SPATA17: variants seen among roughly 807,000 people sequenced by gnomAD.
The protein encoded by SPATA17 is spermatogenesis associated 17, also known as spermatogenesis-associated protein 17.
SPATA17 carries 53 observed loss-of-function variants against 62.2 expected under a neutral mutation model. The observed-to-expected ratio is 0.85, with a 90% CI of 0.68 to 1.07. The LOEUF is 1.07. Among genes scored for constraint, SPATA17 ranks in the 50% least tolerant of loss-of-function variants. The probability of loss-of-function intolerance (pLI) is 0.00; values close to 1 mark genes in which losing one functional copy is unlikely to be tolerated. For missense variants in SPATA17, 466 were observed against 425.5 expected, an observed-to-expected ratio of 1.10 and a Z score of -0.84; for synonymous variants, 146 against 146.8, an observed-to-expected ratio of 0.99 and a Z score of 0.04.
At chr1:217,764,455 G>T (rs934721407) in intron 6 of SPATA17, among the ~76,000 whole-genome samples, 2 of 152,092 alleles carry the variant, frequency 1.3e-5, no homozygotes, top group Non-Finnish European at 2.9e-5. Context: ...CATTGTTAGA[G>T]GTACCACAGT....
intron 8 of SPATA17, 76 bp from the exon 9 acceptor site, chr1:217,801,642 T>C (rs1674315070): frequency 7.7e-7 from 1 of 1,290,670 alleles, no homozygotes; most frequent in Non-Finnish European, 1.1e-6. Flanking sequence ...ACTATAGTAC[T>C]TCTACAAAGC....
chr1:217,646,785 C>T (rs1670192783), intron 1 of SPATA17, among the ~76,000 whole-genome samples: 1 of 152,092 alleles, frequency 6.6e-6, no homozygotes, highest in Admixed American at 6.5e-5. Context: ...GTTCCAGCTA[C>T]TCGGAGGCTA....
chr1:217,703,869 T>A (rs1270024543), intron 5 of SPATA17, among the ~76,000 whole-genome samples: 4 of 152,152 alleles, frequency 2.6e-5, no homozygotes, highest in Non-Finnish European at 5.9e-5. Context: ...TGTACCTATT[T>A]TCCAATTCAT....
intron 5 of SPATA17, among the ~76,000 whole-genome samples, chr1:217,733,757 C>T (rs759964163): frequency 6.6e-6 from 1 of 152,118 alleles, no homozygotes; most frequent in Non-Finnish European, 1.5e-5. Context: ...GATTTTGTAA[C>T]TAAACATTTT....
At chr1:217,677,081 C>T (rs1404373529) in intron 4 of SPATA17, among the ~76,000 whole-genome samples, 1 of 152,006 alleles carries the variant, frequency 6.6e-6, no homozygotes, top group African/African-American at 2.4e-5. Context: ...GAAATGCTCA[C>T]ATTTAGGGAA....
chr1:217,812,364 A>G (rs1351553216), intron 9 of SPATA17, among the ~76,000 whole-genome samples: 1 of 152,134 alleles, frequency 6.6e-6, no homozygotes, highest in Non-Finnish European at 1.5e-5. Flanking sequence ...ATACAAAGAA[A>G]TCAAAGTCAG....
intron 5 of SPATA17, among the ~76,000 whole-genome samples, chr1:217,701,099 C>T (rs1490429587): frequency 6.6e-6 from 1 of 151,108 alleles, no homozygotes; most frequent in Non-Finnish European, 1.5e-5. Flanking sequence ...CTTAGCCTGC[C>T]GAGTAGCTGG....
intron 9 of SPATA17, among the ~76,000 whole-genome samples, chr1:217,848,677 A>T (rs1675580584): frequency 1.3e-5 from 2 of 152,156 alleles, no homozygotes; most frequent in Admixed American, 6.5e-5. Context: ...GTGTAATTGT[A>T]TGTTAAAAGT....
At chr1:217,839,361 T>A (rs1384013549) in intron 9 of SPATA17, among the ~76,000 whole-genome samples, 1 of 152,104 alleles carries the variant, frequency 6.6e-6, no homozygotes, top group East Asian at 1.9e-4. Context: ...TTATGGCAGC[T>A]AATGAAGTGT....
At position 217,847,292 on chromosome 1, in the gene SPATA17, G is replaced by T. The variant is rs185378632; in HGVS notation, c.1006-15482G>T. Among the ~76,000 whole-genome samples the T allele has an allele frequency of 6.7e-3, 1,021 of 152,052 alleles. 14 individuals are homozygous for T. Among genetic ancestry groups the T allele is most frequent in the African/African-American group, 0.023 (956 of 41,514 alleles). ...AATTAGTTATATTTATGTGTGCTTT[G>T]AATGGTAATAACATATAGACATTCC... On this transcript the variant is annotated intron_variant, in intron 9 of 10. Coordinates refer to ENST00000366933, the MANE Select transcript of SPATA17 (RefSeq NM_138796.4).
chr1:217,718,260 GACTA>G (rs1312761708), intron 5 of SPATA17, among the ~76,000 whole-genome samples: 2 of 152,088 alleles, frequency 1.3e-5, no homozygotes, highest in South Asian at 2.1e-4. Flanking sequence ...AAGAATACCT[GACTA>G]ACTGAGAAAG....
chr1:217,815,951 G>C (rs1674702518), intron 9 of SPATA17, among the ~76,000 whole-genome samples: 1 of 152,044 alleles, frequency 6.6e-6, no homozygotes. Context: ...TGATTGCATA[G>C]TATTAATACT....
intron 6 of SPATA17, among the ~76,000 whole-genome samples, chr1:217,748,241 T>G (rs1314181336): frequency 6.8e-6 from 1 of 146,102 alleles, no homozygotes; most frequent in East Asian, 2.0e-4. Context: ...AGGCGGAGCT[T>G]GCAGTGAGCC....
chr1:217,831,213 T>A (rs1675130823), intron 9 of SPATA17, among the ~76,000 whole-genome samples: 1 of 152,178 alleles, frequency 6.6e-6, no homozygotes, highest in Non-Finnish European at 1.5e-5. Flanking sequence ...AGCAATGCAT[T>A]GTCATTTGTC....
intron 5 of SPATA17, among the ~76,000 whole-genome samples, chr1:217,731,969 T>A (rs1436285098): frequency 6.6e-6 from 1 of 152,174 alleles, no homozygotes; most frequent in Non-Finnish European, 1.5e-5. Flanking sequence ...AATCACTTTT[T>A]AATTACCCCT....
intron 5 of SPATA17, among the ~76,000 whole-genome samples, chr1:217,713,145 T>C (rs945451016): frequency 6.6e-6 from 1 of 152,140 alleles, no homozygotes. Flanking sequence ...CAGAGGAGTA[T>C]GTAGAATGGA....
intron 1 of SPATA17, among the ~76,000 whole-genome samples, chr1:217,641,781 A>G (rs1354885315): frequency 1.3e-5 from 2 of 152,274 alleles, no homozygotes; most frequent in African/African-American, 4.8e-5. Flanking sequence ...CATTCTCTAT[A>G]TAACCACAAT....
At chr1:217,688,735 C>T (rs1176622278) in intron 5 of SPATA17, among the ~76,000 whole-genome samples, 1 of 152,172 alleles carries the variant, frequency 6.6e-6, no homozygotes, top group South Asian at 2.1e-4. Flanking sequence ...TCCTCATCTG[C>T]ATGCCCGGAG....
At chr1:217,793,740 A>G (rs145438385) in intron 8 of SPATA17, among the ~76,000 whole-genome samples, 1 of 152,242 alleles carries the variant, frequency 6.6e-6, no homozygotes, top group East Asian at 1.9e-4. Flanking sequence ...CAAGAAAGAG[A>G]ACCAGGAGCG....
Sources: gnomAD v4.1 joint callset for allele counts (sites outside exome capture counted in the v4.1 genomes callset) on GRCh38, gnomAD v4.1.1 for gene constraint, MANE v1.5 for transcripts, NCBI Gene and HGNC (gene_info 2026-07-23, HGNC 2026-07-21) for gene names.